Variants in PLA2G3 observed in about 807,000 individuals in gnomAD.
PLA2G3 encodes phospholipase A2 group III.
PLA2G3 carries 39 observed loss-of-function variants against 51.3 expected under a neutral mutation model. That is an observed-to-expected ratio of 0.76 (90% CI 0.59 to 0.99). The LOEUF is 0.99. PLA2G3 is among the 50% of genes least tolerant of loss of function. PLA2G3 has a pLI of 0.00. For missense variants in PLA2G3, 677 were observed against 662.1 expected (o/e 1.02, Z -0.25); for synonymous variants, 293 against 263.1 (o/e 1.11, Z -1.10).
chr22:31,137,717 T>C lies in PLA2G3; in HGVS notation c.1059A>G (p.Lys353=). 6.2e-7 allele frequency: 1 copy of C among 1,603,740 alleles called. No individual in the cohort carries two copies. Among genetic ancestry groups the C allele is most frequent in the Non-Finnish European group, 8.5e-7 (1 of 1,176,850 alleles). Residue 353 remains lysine, a synonymous_variant, in exon 4 of 7, where the codon AAA becomes AAG. Transcript: ENST00000215885. ...GTTAGGTTCTGAGCTCACCCTGAGG[T>C]TTTAGGCCACCCTGTGGGCCCTGGA... The part of the protein sequence containing the change: ...TGLQGPQGGL[K]PQGARWVCRS...
In PLA2G3 at chr22:31,136,658, C is replaced by G. The variant is rs149123163; in HGVS notation, c.1316+25G>C. Reference sequence around the variant, plus strand: ...CCCACCCTTTGAGAAAACCCCCCATCCCTCCTGGCTCTGACATCACTTACT... The same window carrying G: ...CCCACCCTTTGAGAAAACCCCCCATGCCTCCTGGCTCTGACATCACTTACT... On this transcript the variant is annotated intron_variant, in intron 6 of 6. Coordinates refer to ENST00000215885, the MANE Select transcript of PLA2G3 (RefSeq NM_015715.5). 490 of 1,587,204 alleles carry G rather than the reference C, an allele frequency of 3.1e-4. 4 individuals carry two copies. The East Asian group carries it at 0.011, about 35-fold the overall frequency.
chr22:31,138,665 A>G lies in PLA2G3; in HGVS notation c.647+2T>C, dbSNP rs1922731098. 6.2e-7 allele frequency: 1 copy of G among 1,613,926 alleles called. No individual in the cohort carries two copies. The highest frequency in any genetic ancestry group is 8.5e-7 in the Non-Finnish European group (1 of 1,179,986). On this transcript the variant is annotated splice_donor_variant, in intron 2 of 6. Coordinates refer to ENST00000215885, the MANE Select transcript of PLA2G3 (RefSeq NM_015715.5). LOFTEE classifies it high-confidence loss of function. The stretch of plus-strand genomic sequence containing the variant: ...TCTGGGCCCTCGCTGCCTGCCACCA[A>G]CCTGGTGTCACAGTCACAGTGGGAG...
chr22:31,138,118 C>T, intron 3 of PLA2G3, 125 bp from the exon 4 acceptor site: 1 of 1,329,674 alleles, frequency 7.5e-7, no homozygotes, highest in Non-Finnish European at 1.0e-6. Flanking sequence ...TTGTGGGGGA[C>T]ACCCAAGGAG....
rs1922504913 is a variant in PLA2G3, at chr22:31,135,501, G to A, written c.*222C>T. 1.7e-6 allele frequency: 1 copy of A among 576,188 alleles called. No individual in the cohort carries two copies. The highest frequency in any genetic ancestry group is 3.1e-6 in the Non-Finnish European group (1 of 322,188). The allele number at this position is 576,188 out of a possible 1,614,324, so 35.7% of individuals were successfully genotyped here. On this transcript the variant is annotated 3_prime_UTR_variant, in exon 7 of 7. Coordinates refer to ENST00000215885, the MANE Select transcript of PLA2G3 (RefSeq NM_015715.5). ...ATGAGCTTCCTGAACACCACATCCA[G>A]GCATAGAAGAGTTGTGTCATACATA...
In PLA2G3 at chr22:31,140,463, G is replaced by A; in HGVS notation, c.-109C>T. On this transcript the variant is annotated 5_prime_UTR_variant, in exon 1 of 7. Coordinates refer to ENST00000215885, the MANE Select transcript of PLA2G3 (RefSeq NM_015715.5). Reference sequence around the variant, plus strand: ...ACGGAAGCGGAGCCCAGCAGGCCCGGTGCGGCGGGACCAATGAATGGAGCT... The same window carrying A: ...ACGGAAGCGGAGCCCAGCAGGCCCGATGCGGCGGGACCAATGAATGGAGCT... The A allele has an allele frequency of 3.1e-6, 4 of 1,278,040 alleles. No homozygotes were observed. Among genetic ancestry groups the A allele is most frequent in the Non-Finnish European group, 3.2e-6 (3 of 936,578 alleles). 79.2% of individuals were successfully genotyped at this position (1,278,040 alleles called of 1,614,324 possible).
rs896019118 is a variant in PLA2G3, at chr22:31,140,420, C to T, written c.-66G>A. 47 of 1,505,934 alleles carry T rather than the reference C, an allele frequency of 3.1e-5. No homozygotes were observed. Among genetic ancestry groups the T allele is most frequent in the African/African-American group, 5.6e-5 (4 of 71,898 alleles). 93.3% of individuals were successfully genotyped at this position (1,505,934 alleles called of 1,614,324 possible). ...GCCTGCCCTTGGTGGCCCCACCAGG[C>T]GGCAGCTGAGCAGTGGAACGGAAGC... On this transcript the variant is annotated 5_prime_UTR_variant, in exon 1 of 7. Transcript: ENST00000215885.
chr22:31,138,398 G>A lies in PLA2G3; in HGVS notation c.660C>T (p.Cys220=), dbSNP rs1355294043. The A allele has an allele frequency of 3.1e-6, 5 of 1,613,884 alleles. No individual in the cohort carries two copies. The highest frequency in any genetic ancestry group is 4.2e-6 in the Non-Finnish European group (5 of 1,179,948). Reference sequence around the variant, plus strand: ...AGATGGAGTCGTGCTGATTCTGTAGGCATTGCTGAAACCTGCCCCAGAACA... The same window carrying A: ...AGATGGAGTCGTGCTGATTCTGTAGACATTGCTGAAACCTGCCCCAGAACA... The part of the protein sequence containing the change: ...HCDCDTRFQQ[C]LQNQHDSISD... Residue 220 remains cysteine, a synonymous_variant, in exon 3 of 7, where the codon TGC becomes TGT. Coordinates refer to ENST00000215885, the MANE Select transcript of PLA2G3 (RefSeq NM_015715.5).
intron 3 of PLA2G3, 60 bp from the exon 4 acceptor site, chr22:31,138,053 G>A (rs1414752773): frequency 2.0e-6 from 3 of 1,494,300 alleles, no homozygotes; most frequent in African/African-American, 2.8e-5. Flanking sequence ...GAAGCCCCCA[G>A]GGTCGTCTCC....
rs1245931242 is a variant in PLA2G3, at chr22:31,136,990, G to A, written c.1117C>T (p.His373Tyr). Residue 373 changes from histidine to tyrosine, a missense_variant, in exon 5 of 7, where the codon CAC (histidine) becomes TAC (tyrosine). Coordinates refer to ENST00000215885, the MANE Select transcript of PLA2G3 (RefSeq NM_015715.5). ...TCGATTTCCCGGGGCCCAATCTGGT[G>A]CTCACACTGGTCCAGGTGGCGGCGG... ...SFRRHLDQCEHQIGPREIEFQ... is the reference protein window; with the variant it reads ...SFRRHLDQCEYQIGPREIEFQ... The A allele has an allele frequency of 6.4e-7, 1 of 1,567,598 alleles. No individual in the cohort carries two copies. Among genetic ancestry groups the A allele is most frequent in the Non-Finnish European group, 8.6e-7 (1 of 1,156,856 alleles).
Position 31,138,273 on chromosome 22 carries a change from T to G in PLA2G3, c.782+3A>C. ...AAAGGGACATGAGGGGGTGGCCACG[T>G]ACCCGCCCCACCAGTACCACGCCAC... On this transcript the variant is annotated splice_donor_region_variant and intron_variant, in intron 3 of 6. Coordinates refer to ENST00000215885, the MANE Select transcript of PLA2G3 (RefSeq NM_015715.5). 6.2e-7 allele frequency: 1 copy of G among 1,613,068 alleles called. No homozygotes were observed. Among genetic ancestry groups the G allele is most frequent in the African/African-American group, 1.3e-5 (1 of 75,000 alleles).
intron 4 of PLA2G3, among the ~76,000 whole-genome samples, chr22:31,137,276 G>A (rs1195706073): frequency 1.3e-5 from 2 of 152,228 alleles, no homozygotes; most frequent in African/African-American, 2.4e-5. Context: ...AGTACTGACG[G>A]TAGTCAAGAA....
rs116007140 is a variant in PLA2G3, at chr22:31,135,802, A to T, written c.1451T>A (p.Met484Lys). The T allele has an allele frequency of 6.2e-7, 1 of 1,614,020 alleles. No individual in the cohort carries two copies. Among genetic ancestry groups the T allele is most frequent in the Admixed American group, 1.7e-5 (1 of 60,022 alleles). ...CTGCAGGCACTGGTTGTAGAATGAC[A>T]TGGGGCCTCTCAGGGGCTCTGAAGG... is the stretch of plus-strand genomic sequence containing the variant. Reference protein sequence around the residue: ...PWPSEPLRGPMSFYNQCLQLT... With the variant: ...PWPSEPLRGPKSFYNQCLQLT... The change falls in exon 7 of 7, where the codon ATG (methionine) becomes AAG (lysine). Residue 484 changes from methionine to lysine, a missense_variant. Coordinates refer to ENST00000215885, the MANE Select transcript of PLA2G3 (RefSeq NM_015715.5).
chr22:31,138,558 C>CA, intron 2 of PLA2G3, 109 bp downstream of exon 2: 2 of 1,519,982 alleles, frequency 1.3e-6, no homozygotes, highest in Non-Finnish European at 1.8e-6. Context: ...CTGTGGGGTC[C>CA]AAGCTGGCTG....
In PLA2G3 at chr22:31,138,819, G is replaced by A. The variant is rs771118714; in HGVS notation, c.515-20C>T. On this transcript the variant is annotated intron_variant, in intron 1 of 6. Coordinates refer to ENST00000215885, the MANE Select transcript of PLA2G3 (RefSeq NM_015715.5). Reference sequence around the variant, plus strand: ...AGACCCCTGCAGGGAGGGGAGGGGAGAGGGCACCAACTCAGCAGGGTCCTA... The same window carrying A: ...AGACCCCTGCAGGGAGGGGAGGGGAAAGGGCACCAACTCAGCAGGGTCCTA... 1.9e-6 allele frequency: 3 copies of A among 1,613,596 alleles called. No individual in the cohort carries two copies. Among genetic ancestry groups the A allele is most frequent in the Middle Eastern group, 1.7e-4 (1 of 5,836 alleles).
Position 31,136,902 on chromosome 22 carries a change from C to T in PLA2G3, c.1199+6G>A, listed in dbSNP as rs370529561. 30 of 1,608,776 alleles carry T rather than the reference C, an allele frequency of 1.9e-5. No individual in the cohort carries two copies. In the African/African-American group the frequency reaches 3.8e-4, roughly 20 times the overall value. On this transcript the variant is annotated splice_donor_region_variant and intron_variant, in intron 5 of 6. Coordinates refer to ENST00000215885, the MANE Select transcript of PLA2G3 (RefSeq NM_015715.5). ...CCCACCCCGCGAGGGTTCAAAGGGG[C>T]CTCACCGGCGCGTGCAGTTGCAGTG...
chr22:31,138,933 C>T (rs1311486240), intron 1 of PLA2G3, 134 bp from the exon 2 acceptor site: 8 of 751,490 alleles, frequency 1.1e-5, no homozygotes, highest in Non-Finnish European at 1.7e-5. Context: ...CATGAGGGTC[C>T]TCAGACCAGT....
intron 6 of PLA2G3, among the ~76,000 whole-genome samples, chr22:31,136,360 C>T (rs1364867507): frequency 6.6e-6 from 1 of 152,148 alleles, no homozygotes; most frequent in Non-Finnish European, 1.5e-5. Flanking sequence ...TTGCTGTGTG[C>T]CAGGCGGGGC....
intron 5 of PLA2G3, 50 bp from the exon 6 acceptor site, chr22:31,136,849 G>T (rs1922597196): frequency 6.2e-7 from 1 of 1,601,080 alleles, no homozygotes; most frequent in South Asian, 1.1e-5. Context: ...CCAGCCAGGG[G>T]CCCCTTCCCA....
At position 31,137,639 on chromosome 22, in the gene PLA2G3, T is replaced by C. The variant is rs1354912297; in HGVS notation, c.1066+71A>G. On this transcript the variant is annotated intron_variant, in intron 4 of 6. Transcript: ENST00000215885. Reference sequence around the variant, plus strand: ...CTGGTGCAGGAAAAGAGGCAACACATGGCCACCCCTAAACAGAAGCAGGGA... The same window carrying C: ...CTGGTGCAGGAAAAGAGGCAACACACGGCCACCCCTAAACAGAAGCAGGGA... The C allele has an allele frequency of 2.9e-6, 4 of 1,399,042 alleles. No homozygotes were observed. The African/African-American group carries it at 4.3e-5, about 15-fold the overall frequency. The allele number at this position is 1,399,042 out of a possible 1,614,324, so 86.7% of individuals were successfully genotyped here. A position where few individuals can be genotyped will look rare whatever the true frequency, so the allele number is the denominator to read the frequency against.
Sources: allele counts gnomAD v4.1 joint callset (sites outside exome capture counted in the v4.1 genomes callset), GRCh38; gene constraint gnomAD v4.1.1; transcripts MANE v1.5; gene names NCBI Gene and HGNC (gene_info 2026-07-23, HGNC 2026-07-21).